CORO2B: variants seen among roughly 807,000 people sequenced by gnomAD.
CORO2B encodes the protein coronin-2B.
A neutral mutation model predicts 58.8 loss-of-function variants in CORO2B; 26 were observed. The observed-to-expected ratio is 0.44, with a 90% CI of 0.32 to 0.61. The LOEUF is 0.61. Among genes scored for constraint, CORO2B ranks in the 20% least tolerant of loss-of-function variants. The probability of loss-of-function intolerance (pLI) is 0.04; values close to 1 mark genes in which losing one functional copy is unlikely to be tolerated. For synonymous variants in CORO2B, 242 were observed against 253.8 expected (o/e 0.95, Z 0.44); for missense variants, 460 against 645.1 (o/e 0.71, Z 3.11).
intron 1 of CORO2B, among the ~76,000 whole-genome samples, chr15:68,626,999 G>T (rs1900700414): frequency 6.6e-6 from 1 of 152,142 alleles, no homozygotes; most frequent in African/African-American, 2.4e-5. Flanking sequence ...AAGACTCCTG[G>T]GTTCAGCTCC....
the CORO2B span, among the ~76,000 whole-genome samples, chr15:68,541,786 C>T: frequency 2.0e-5 from 3 of 152,318 alleles, no homozygotes; most frequent in East Asian, 1.9e-4. Context: ...CTTCCTCACA[C>T]GCAGGTGCTG....
At chr15:68,721,760 GT>G (rs71145196) in intron 11 of CORO2B, among the ~76,000 whole-genome samples, 1 of 108,986 alleles carries the variant, frequency 9.2e-6, no homozygotes, top group South Asian at 3.4e-4. Context: ...ATTTATTTAT[GT>G]TTTAGAGACA....
At chr15:68,627,006 C>T (rs1393638048) in intron 1 of CORO2B, among the ~76,000 whole-genome samples, 4 of 152,178 alleles carry the variant, frequency 2.6e-5, no homozygotes, top group Admixed American at 6.5e-5. Flanking sequence ...CTGGGTTCAG[C>T]TCCCAGTCCC....
chr15:68,611,370 T>C (rs760688333), intron 1 of CORO2B, among the ~76,000 whole-genome samples: 4 of 152,244 alleles, frequency 2.6e-5, no homozygotes, highest in East Asian at 1.9e-4. Flanking sequence ...ACCCTTTGCA[T>C]TGGGTGTTTT....
chr15:68,558,860 C>T, the CORO2B span, among the ~76,000 whole-genome samples: 2 of 152,202 alleles, frequency 1.3e-5, no homozygotes, highest in East Asian at 1.9e-4. Context: ...AGTTACTTCC[C>T]CTCTCTGGCC....
intron 1 of CORO2B, among the ~76,000 whole-genome samples, chr15:68,611,028 G>A (rs893417177): frequency 3.3e-5 from 5 of 152,182 alleles, no homozygotes; most frequent in African/African-American, 1.2e-4. Context: ...AACATTTCAC[G>A]TACTGAACAA....
At chr15:68,638,316 A>G (rs1210186130) in intron 1 of CORO2B, among the ~76,000 whole-genome samples, 1 of 152,136 alleles carries the variant, frequency 6.6e-6, no homozygotes. Flanking sequence ...GAGAGGGTAG[A>G]GCTAGTGTTG....
chr15:68,582,423 A>G (rs888110709), intron 1 of CORO2B, among the ~76,000 whole-genome samples: 17 of 152,094 alleles, frequency 1.1e-4, no homozygotes, highest in African/African-American at 3.1e-4. Flanking sequence ...TCTCAGTCCA[A>G]CGTGCTTCCT....
intron 1 of CORO2B, among the ~76,000 whole-genome samples, chr15:68,606,416 T>A (rs1002659788): frequency 1.3e-5 from 2 of 152,142 alleles, no homozygotes; most frequent in Admixed American, 1.3e-4. Context: ...TTCCAGTGAA[T>A]CTAGGACTGC....
intron 1 of CORO2B, among the ~76,000 whole-genome samples, chr15:68,633,893 C>T (rs1200798920): frequency 6.6e-6 from 1 of 152,200 alleles, no homozygotes; most frequent in African/African-American, 2.4e-5. Context: ...TTTATCAGTC[C>T]ATCTTTTTCT....
upstream of CORO2B, among the ~76,000 whole-genome samples, chr15:68,578,805 C>T (rs1899338124): frequency 6.6e-6 from 1 of 151,964 alleles, no homozygotes; most frequent in African/African-American, 2.4e-5. The surrounding 1 kb of genome is among the most constrained non-coding windows in gnomAD (Gnocchi z 4.2). Flanking sequence ...GCCGCGGACC[C>T]GGGCGCCCGT....
At chr15:68,638,456 T>G (rs149070090) in intron 1 of CORO2B, among the ~76,000 whole-genome samples, 21 of 152,224 alleles carry the variant, frequency 1.4e-4, no homozygotes, top group Admixed American at 6.5e-4. Context: ...ACAGGTTGAG[T>G]AGGTAGTCCA....
intron 1 of CORO2B, among the ~76,000 whole-genome samples, chr15:68,635,614 C>T (rs1901009916): frequency 6.6e-6 from 1 of 152,280 alleles, no homozygotes; most frequent in East Asian, 1.9e-4. Flanking sequence ...TTTAGTGGAC[C>T]TGTGAGTCCC....
Position 68,713,811 on chromosome 15 carries a change from T to A in CORO2B, c.649-114T>A, listed in dbSNP as rs752512624. ...GACCCTTTTCCAAATAAGGAAATAA[T>A]TGCAGGGGCCAGGGCTGAGGACATG... On this transcript the variant is annotated intron_variant, in intron 5 of 11. Coordinates refer to ENST00000261861, the MANE Select transcript of CORO2B (RefSeq NM_006091.5). 64 of 689,274 alleles carry A rather than the reference T, an allele frequency of 9.3e-5. 1 individual carries two copies. In the Middle Eastern group the frequency reaches 1.0e-3, roughly 11 times the overall value. 42.7% of individuals were successfully genotyped at this position (689,274 alleles called of 1,614,324 possible).
At chr15:68,520,495 A>G in the CORO2B span, among the ~76,000 whole-genome samples, 6 of 152,218 alleles carry the variant, frequency 3.9e-5, no homozygotes, top group Non-Finnish European at 7.3e-5. Context: ...ATGGACTAGC[A>G]CTTTTATCAT....
chr15:68,602,407 TCACACACACACACACACACA>T (rs370587519), intron 1 of CORO2B, among the ~76,000 whole-genome samples: 4 of 139,056 alleles, frequency 2.9e-5, no homozygotes, highest in African/African-American at 5.3e-5. Context: ...TAGGGGCTGA[TCACACACACACACACACACA>T]CACACACACA....
rs547652797 is a variant in CORO2B, at chr15:68,620,816, T to C, written c.16-24344T>C. 7.2e-4 allele frequency among the ~76,000 whole-genome samples: 110 copies of C among 152,346 alleles called. 1 individual carries two copies. In the South Asian group the frequency reaches 0.014, roughly 19 times the overall value. The stretch of plus-strand genomic sequence containing the variant: ...GGCAGGACCAGGGCTAGAAGGTTTC[T>C]AGGCCTTCCCACTGTGCGTGTCAGG... On this transcript the variant is annotated intron_variant, in intron 1 of 11. Coordinates refer to ENST00000261861, the MANE Select transcript of CORO2B (RefSeq NM_006091.5).
chr15:68,640,982 A>G (rs1303554089), intron 1 of CORO2B, among the ~76,000 whole-genome samples: 3 of 152,072 alleles, frequency 2.0e-5, no homozygotes, highest in Admixed American at 1.3e-4. Flanking sequence ...GCATAGGTTC[A>G]CGTGGAGTGG....
rs761792578 is a variant in CORO2B at position 68,645,409 on chromosome 15, A to G, written c.216+49A>G. 5.7e-6 allele frequency: 9 copies of G among 1,574,290 alleles called. No individual in the cohort carries two copies. The highest frequency in any genetic ancestry group is 7.8e-6 in the Non-Finnish European group (9 of 1,155,974). ...CAGCTGCAGCTCCAGGGCAGAGAGG[A>G]GCCCTCCTTGGTCTCTCTTAGGCCT... On this transcript the variant is annotated intron_variant, in intron 2 of 11. Coordinates refer to ENST00000261861, the MANE Select transcript of CORO2B (RefSeq NM_006091.5). The surrounding 1 kb of genome is among the most constrained non-coding windows in gnomAD (Gnocchi z 4.5).
Sources: allele counts gnomAD v4.1 joint callset (sites outside exome capture counted in the v4.1 genomes callset), GRCh38; gene constraint gnomAD v4.1.1; non-coding constraint Gnocchi (gnomAD v3.1); transcripts MANE v1.5; gene names NCBI Gene and HGNC (gene_info 2026-07-23, HGNC 2026-07-21).